Variants in PLCG1 observed in about 807,000 individuals in gnomAD.
PLCG1 encodes the protein 1-phosphatidylinositol 4,5-bisphosphate phosphodiesterase gamma-1.
Under a neutral mutation model 177.8 loss-of-function variants are expected in PLCG1, and 71 were observed. That is an observed-to-expected ratio of 0.40 (90% CI 0.33 to 0.49). The LOEUF (loss-of-function observed/expected upper bound fraction) is 0.49, where lower values mean the gene tolerates loss of function less well. Among genes scored for constraint, PLCG1 ranks in the 20% least tolerant of loss-of-function variants. The pLI is 0.72. For missense variants in PLCG1, 1,281 were observed against 1,709.0 expected, an observed-to-expected ratio of 0.75 and a Z score of 4.42; for synonymous variants, 658 against 647.9, an observed-to-expected ratio of 1.02 and a Z score of -0.24.
chr20:41,171,853 T>TG (rs750273137), intron 24 of PLCG1, among the ~76,000 whole-genome samples: 14 of 152,210 alleles, frequency 9.2e-5, no homozygotes, highest in Non-Finnish European at 1.3e-4. Flanking sequence ...GGGTAATAAA[T>TG]GGTCAGAAAG....
chr20:41,177,310 C>T lies in PLCG1; in HGVS notation c.*2801C>T, dbSNP rs2036090952. The T allele has an allele frequency of 6.6e-6, 1 of 152,260 alleles. No homozygotes were observed. Among genetic ancestry groups the T allele is most frequent in the African/African-American group, 2.4e-5 (1 of 41,472 alleles). The allele number at this position is 152,260 out of a possible 1,614,324, so 9.4% of individuals were successfully genotyped here. ...GCCTACAAGGTCAGGGGCATTCTGC[C>T]CCCGCCACAGGACTAAAGACTGCCC... On this transcript the variant is annotated 3_prime_UTR_variant, in exon 32 of 32. Coordinates refer to ENST00000685551, the MANE Select transcript of PLCG1 (RefSeq NM_002660.3).
At position 41,156,579 on chromosome 20, in the gene PLCG1, C is replaced by T. The variant is rs35532203; in HGVS notation, c.218-3027C>T. Among the ~76,000 whole-genome samples the T allele has an allele frequency of 4.8e-3, 726 of 152,332 alleles. 7 individuals are homozygous for T. Among genetic ancestry groups the T allele is most frequent in the African/African-American group, 0.016 (646 of 41,560 alleles). On this transcript the variant is annotated intron_variant, in intron 1 of 31. Coordinates refer to ENST00000685551, the MANE Select transcript of PLCG1 (RefSeq NM_002660.3). This position sits in a 1 kb window ranked among gnomAD's most constrained non-coding sequence, Gnocchi z 5.0. ...CACTGCCCCATCTTCTTCATAGTGACGGCCTCTTCGTACCCCTGGCTTTTC... is the reference window on the plus strand; with the variant it reads ...CACTGCCCCATCTTCTTCATAGTGATGGCCTCTTCGTACCCCTGGCTTTTC...
In PLCG1 at chr20:41,162,212, T is replaced by G. The variant is rs564815560; in HGVS notation, c.513-240T>G. Among the ~76,000 whole-genome samples, 37 of 148,162 alleles carry G rather than the reference T, an allele frequency of 2.5e-4. 2 individuals carry two copies. The highest frequency in any genetic ancestry group is 1.3e-3 in the South Asian group (6 of 4,752). ...ACATCTTCCTTGCCAGAATTACAGG[T>G]TTTTTTTGTTTGTTTTGTTTTTGTT... On this transcript the variant is annotated intron_variant, in intron 4 of 31. Transcript: ENST00000685551.
Position 41,146,700 on chromosome 20 carries a change from G to C in PLCG1, c.217+8842G>C, listed in dbSNP as rs547219789. Among the ~76,000 whole-genome samples the C allele has an allele frequency of 3.3e-5, 5 of 152,246 alleles. No homozygotes were observed. In the East Asian group the frequency reaches 9.6e-4, roughly 29 times the overall value. ...TATGGTTGAGTTAAAATGTTCTGAG[G>C]GAAATGATTGTTGAGGGCATGGGCT... On this transcript the variant is annotated intron_variant, in intron 1 of 31. Transcript: ENST00000685551. This position sits in a 1 kb window ranked among gnomAD's most constrained non-coding sequence, Gnocchi z 6.3.
Position 41,137,545 on chromosome 20 carries a change from CT to C in PLCG1, c.-96del. On this transcript the variant is annotated 5_prime_UTR_variant, in exon 1 of 32. Transcript: ENST00000685551. The surrounding 1 kb of genome is among the most constrained non-coding windows in gnomAD (Gnocchi z 7.3). The stretch of plus-strand genomic sequence containing the variant: ...GGAGCCGCCGCCGGGTCCCGCTCGT[CT>C]GCCGCCTCAGCCTCAGCCCCAACCT... 1 of 640,788 alleles carries C rather than the reference CT, an allele frequency of 1.6e-6. No individual in the cohort carries two copies. Among genetic ancestry groups the C allele is most frequent in the African/African-American group, 1.9e-5 (1 of 52,074 alleles). 39.7% of individuals were successfully genotyped at this position (640,788 alleles called of 1,614,324 possible).
rs933993243 is a variant in PLCG1, at chr20:41,153,737, A to G, written c.218-5869A>G. Among the ~76,000 whole-genome samples the G allele has an allele frequency of 2.0e-5, 3 of 152,174 alleles. No homozygotes were observed. The highest frequency in any genetic ancestry group is 2.9e-5 in the Non-Finnish European group (2 of 68,026). ...ATGGTGAAACCCCGTCTCTACTAAA[A>G]ATACAAAAATCAGCTGGGCATGGTG... On this transcript the variant is annotated intron_variant, in intron 1 of 31. Coordinates refer to ENST00000685551, the MANE Select transcript of PLCG1 (RefSeq NM_002660.3). This position sits in a 1 kb window ranked among gnomAD's most constrained non-coding sequence, Gnocchi z 5.1.
At chr20:41,142,496 C>T (rs2034862165) in intron 1 of PLCG1, among the ~76,000 whole-genome samples, 1 of 152,174 alleles carries the variant, frequency 6.6e-6, no homozygotes, top group Non-Finnish European at 1.5e-5. Context: ...CTACGGTTTG[C>T]ACAGTTTGCA....
Position 41,174,157 on chromosome 20 carries a change from A to G in PLCG1, c.3679A>G (p.Thr1227Ala). The change falls in exon 31 of 32, where the codon ACG becomes GCG. Residue 1227 changes from threonine (T) to alanine (A), a missense_variant. Physicochemically the swap from Thr to Ala is moderately conservative, Grantham distance 58. Transcript: ENST00000685551. The surrounding 1 kb of genome is among the most constrained non-coding windows in gnomAD (Gnocchi z 5.8). Reference protein sequence around the residue: ...ENGDLSPFSGTSLRERGSDAS... With the variant: ...ENGDLSPFSGASLRERGSDAS... ...TGGTGACCTCAGTCCCTTCAGTGGTACGTCCCTGCGGGAGCGGGGCTCAGA... is the reference window on the plus strand; with the variant it reads ...TGGTGACCTCAGTCCCTTCAGTGGTGCGTCCCTGCGGGAGCGGGGCTCAGA... 6.2e-7 allele frequency: 1 copy of G among 1,614,088 alleles called. No individual in the cohort carries two copies. Among genetic ancestry groups the G allele is most frequent in the Non-Finnish European group, 8.5e-7 (1 of 1,179,980 alleles).
intron 6 of PLCG1, 60 bp downstream of exon 6, chr20:41,162,785 G>A: frequency 2.1e-6 from 3 of 1,458,610 alleles, no homozygotes; most frequent in Non-Finnish European, 2.9e-6. Context: ...CCACACCCCA[G>A]CTCTGCCTGC....
At chr20:41,155,513 AG>A (rs1660638894) in intron 1 of PLCG1, among the ~76,000 whole-genome samples, 1 of 152,212 alleles carries the variant, frequency 6.6e-6, no homozygotes. Flanking sequence ...AGGCTCAGGA[AG>A]CAGCGTGTCT....
chr20:41,155,186 C>T (rs930937648), intron 1 of PLCG1, among the ~76,000 whole-genome samples: 12 of 152,240 alleles, frequency 7.9e-5, no homozygotes, highest in African/African-American at 2.9e-4. Flanking sequence ...TGCTTTAATG[C>T]TTAGAGCTGG....
Position 41,164,727 on chromosome 20 carries a change from A to C in PLCG1, c.1218-206A>C, listed in dbSNP as rs2035624090. 6.6e-6 allele frequency among the ~76,000 whole-genome samples: 1 copy of C among 152,166 alleles called. No individual in the cohort carries two copies. The highest frequency in any genetic ancestry group is 2.4e-5 in the African/African-American group (1 of 41,440). On this transcript the variant is annotated intron_variant, in intron 12 of 31. Coordinates refer to ENST00000685551, the MANE Select transcript of PLCG1 (RefSeq NM_002660.3). The surrounding 1 kb of genome is among the most constrained non-coding windows in gnomAD (Gnocchi z 6.4). ...AATTGGGCCAGCTCGGGACTGCATC[A>C]GTTGCCACCCTTTGGTTTCCACTGC...
At chr20:41,145,704 A>G (rs2034975920) in intron 1 of PLCG1, among the ~76,000 whole-genome samples, 1 of 152,056 alleles carries the variant, frequency 6.6e-6, no homozygotes, top group Non-Finnish European at 1.5e-5. Context: ...GCCCCTAGAG[A>G]GTAGAGAAGT....
chr20:41,168,699 A>C (rs1409907360), intron 20 of PLCG1, 68 bp from the exon 21 acceptor site: 2 of 938,190 alleles, frequency 2.1e-6, no homozygotes, highest in Admixed American at 3.9e-5. Context: ...GTGTGTGCAC[A>C]TGAAGCCCCA....
rs549714798 is a variant in PLCG1 at position 41,164,251 on chromosome 20, C to T, written c.1217+50C>T. On this transcript the variant is annotated intron_variant, in intron 12 of 31. Coordinates refer to ENST00000685551, the MANE Select transcript of PLCG1 (RefSeq NM_002660.3). The surrounding 1 kb of genome is among the most constrained non-coding windows in gnomAD (Gnocchi z 6.4). ...GGGGTTAACTTGGCTCCAGGTCTCT[C>T]GTTCTAGAGGGACAGAGGGCAGAAA... 1.9e-6 allele frequency: 3 copies of T among 1,600,172 alleles called. No homozygotes were observed. The highest frequency in any genetic ancestry group is 1.1e-5 in the South Asian group (1 of 90,582).
chr20:41,140,586 G>C (rs1006056296), intron 1 of PLCG1, among the ~76,000 whole-genome samples: 2 of 152,158 alleles, frequency 1.3e-5, no homozygotes, highest in Non-Finnish European at 2.9e-5. Context: ...ACCTTCTTCT[G>C]CCCTGACTCT....
rs575507368 is a variant in PLCG1, at chr20:41,167,375, T to G, written c.2302-477T>G. Among the ~76,000 whole-genome samples the G allele has an allele frequency of 7.9e-5, 12 of 152,240 alleles. No homozygotes were observed. In the South Asian group the frequency reaches 2.1e-3, roughly 26 times the overall value. On this transcript the variant is annotated intron_variant, in intron 19 of 31. Coordinates refer to ENST00000685551, the MANE Select transcript of PLCG1 (RefSeq NM_002660.3). This position sits in a 1 kb window ranked among gnomAD's most constrained non-coding sequence, Gnocchi z 4.4. ...AGGACCAGAAGATCAGTTGAGAGAC[T>G]GCTGTCGTCAGTAGACAGGGCTGGC...
In PLCG1 at chr20:41,166,303, A is replaced by G; in HGVS notation, c.1909A>G (p.Thr637Ala). ...LVFDSLYDLITHYQQVPLRCN... is the reference protein window; with the variant it reads ...LVFDSLYDLIAHYQQVPLRCN... Reference sequence around the variant, plus strand: ...CTTTGACTCCCTCTATGACCTCATCACGCACTACCAGCAGGTGCCCCTGCG... The same window carrying G: ...CTTTGACTCCCTCTATGACCTCATCGCGCACTACCAGCAGGTGCCCCTGCG... Residue 637 changes from threonine to alanine, a missense_variant, in exon 17 of 32, where the codon ACG becomes GCG. Coordinates refer to ENST00000685551, the MANE Select transcript of PLCG1 (RefSeq NM_002660.3). This position sits in a 1 kb window ranked among gnomAD's most constrained non-coding sequence, Gnocchi z 8.6. 3 of 1,614,114 alleles carry G rather than the reference A, an allele frequency of 1.9e-6. No homozygotes were observed. The highest frequency in any genetic ancestry group is 2.5e-6 in the Non-Finnish European group (3 of 1,180,034).
At position 41,173,405 on chromosome 20, in the gene PLCG1, T is replaced by G. The variant is rs1445840415; in HGVS notation, c.3280-15T>G. 1 of 1,569,780 alleles carries G rather than the reference T, an allele frequency of 6.4e-7. No individual in the cohort carries two copies. The highest frequency in any genetic ancestry group is 1.2e-5 in the South Asian group (1 of 81,934). On this transcript the variant is annotated splice_polypyrimidine_tract_variant and intron_variant, in intron 27 of 31. Transcript: ENST00000685551. This position sits in a 1 kb window ranked among gnomAD's most constrained non-coding sequence, Gnocchi z 6.2. ...CAGGAAGGACAATCCCAGGCCCTTC[T>G]TTGTCTGCCTACAGGTGCTGGGGGC...
Sources: gnomAD v4.1 joint callset for allele counts (sites outside exome capture counted in the v4.1 genomes callset) on GRCh38, gnomAD v4.1.1 for gene constraint, Gnocchi (gnomAD v3.1) non-coding constraint, MANE v1.5 for transcripts, NCBI Gene and HGNC (gene_info 2026-07-23, HGNC 2026-07-21) for gene names.